Variants in DNM3 observed in about 807,000 individuals in gnomAD.
DNM3 encodes dynamin-3.
A neutral mutation model predicts 101.6 loss-of-function variants in DNM3; 47 were observed. The ratio of observed to expected loss-of-function variants is 0.46; its 90% confidence interval spans 0.37 to 0.59. The LOEUF (loss-of-function observed/expected upper bound fraction) is 0.59, where lower values mean the gene tolerates loss of function less well. Among genes scored for constraint, DNM3 ranks in the 20% least tolerant of loss-of-function variants. DNM3 has a pLI of 0.00. For synonymous variants in DNM3, 385 were observed against 387.9 expected (o/e 0.99, Z 0.09); for missense variants, 849 against 1,085.7 (o/e 0.78, Z 3.06).
At chr1:172,111,828 A>C in intron 13 of DNM3, among the ~76,000 whole-genome samples, 1 of 151,906 alleles carries the variant, frequency 6.6e-6, no homozygotes, top group East Asian at 1.9e-4. Context: ...TAATCTTAGA[A>C]TGTTACTTTC....
At chr1:171,990,013 A>G (rs2045530705) in intron 4 of DNM3, among the ~76,000 whole-genome samples, 1 of 152,128 alleles carries the variant, frequency 6.6e-6, no homozygotes, top group Non-Finnish European at 1.5e-5. Context: ...GATTTTATCA[A>G]CTTTATCTTC....
intron 9 of DNM3, among the ~76,000 whole-genome samples, chr1:172,047,352 G>C (rs2049891673): frequency 6.6e-6 from 1 of 152,132 alleles, no homozygotes; most frequent in Admixed American, 6.6e-5. Context: ...CAAGAAGGAA[G>C]GTCTCAGCAG....
chr1:172,320,293 T>C (rs907460933), intron 16 of DNM3, among the ~76,000 whole-genome samples: 3 of 151,176 alleles, frequency 2.0e-5, no homozygotes, highest in African/African-American at 7.3e-5. Context: ...AATGACGAGT[T>C]AATGGGTGCA....
chr1:172,236,021 G>T (rs1387586426), intron 14 of DNM3, among the ~76,000 whole-genome samples: 1 of 152,020 alleles, frequency 6.6e-6, no homozygotes, highest in Non-Finnish European at 1.5e-5. Context: ...AACATTGTTA[G>T]CTATTGGGGC....
intron 14 of DNM3, among the ~76,000 whole-genome samples, chr1:172,170,421 G>A (rs971757689): frequency 6.6e-6 from 1 of 151,726 alleles, no homozygotes; most frequent in Non-Finnish European, 1.5e-5. Context: ...CTGGAGTCAG[G>A]TCACCACTTA....
At chr1:172,015,289 T>C (rs2047378169) in intron 4 of DNM3, among the ~76,000 whole-genome samples, 1 of 152,198 alleles carries the variant, frequency 6.6e-6, no homozygotes, top group Non-Finnish European at 1.5e-5. Flanking sequence ...AATCAGTTTG[T>C]TGATATCCAC....
At chr1:172,321,675 C>T (rs958218067) in intron 16 of DNM3, among the ~76,000 whole-genome samples, 3 of 152,140 alleles carry the variant, frequency 2.0e-5, no homozygotes, top group Non-Finnish European at 4.4e-5. Context: ...CATCTGCCAT[C>T]GAGTGGGGAA....
At chr1:171,948,519 T>C (rs1279983811) in intron 2 of DNM3, among the ~76,000 whole-genome samples, 5 of 152,192 alleles carry the variant, frequency 3.3e-5, no homozygotes, top group Non-Finnish European at 4.4e-5. Context: ...ATGTCCACAT[T>C]ATATAGATAA....
chr1:172,140,570 C>T (rs1433419963), intron 14 of DNM3: 1 of 151,732 alleles, frequency 6.6e-6, no homozygotes, highest in Non-Finnish European at 1.5e-5. Context: ...GTTAACTCTG[C>T]TCAATTAAAG....
chr1:172,100,303 C>T (rs2054545958), intron 13 of DNM3, among the ~76,000 whole-genome samples: 1 of 152,164 alleles, frequency 6.6e-6, no homozygotes, highest in Non-Finnish European at 1.5e-5. Context: ...TCTCTCCCTA[C>T]TTTCTGAAAA....
At chr1:171,992,111 A>G (rs2045673119) in intron 4 of DNM3, among the ~76,000 whole-genome samples, 1 of 152,202 alleles carries the variant, frequency 6.6e-6, no homozygotes, top group Non-Finnish European at 1.5e-5. Flanking sequence ...TTTTATAATA[A>G]ATGTAAACTA....
At chr1:172,321,854 AC>A (rs1335058536) in intron 16 of DNM3, among the ~76,000 whole-genome samples, 1 of 152,162 alleles carries the variant, frequency 6.6e-6, no homozygotes, top group African/African-American at 2.4e-5. Flanking sequence ...CTAAAATAAG[AC>A]TTTTATTCCC....
intron 12 of DNM3, among the ~76,000 whole-genome samples, chr1:172,089,843 A>T (rs541448118): frequency 6.6e-6 from 1 of 152,294 alleles, no homozygotes; most frequent in African/African-American, 2.4e-5. Flanking sequence ...GTAATTTTGC[A>T]TCTCAAGGAA....
intron 1 of DNM3, among the ~76,000 whole-genome samples, chr1:171,896,845 G>A (rs2125206032): frequency 6.6e-6 from 1 of 152,218 alleles, no homozygotes; most frequent in East Asian, 1.9e-4. Context: ...ATCCTACCCA[G>A]TGTGAGGATT....
At chr1:172,269,912 C>T (rs1408882943) in intron 15 of DNM3, among the ~76,000 whole-genome samples, 2 of 152,092 alleles carry the variant, frequency 1.3e-5, no homozygotes, top group African/African-American at 2.4e-5. Context: ...TAGCTGGGCC[C>T]AGCCTGAAGG....
intron 14 of DNM3, among the ~76,000 whole-genome samples, chr1:172,234,920 C>T (rs1404426188): frequency 6.7e-6 from 1 of 149,730 alleles, no homozygotes; most frequent in African/African-American, 2.5e-5. Flanking sequence ...TAGGCAGTAC[C>T]ATTCAGGACA....
intron 14 of DNM3, among the ~76,000 whole-genome samples, chr1:172,148,598 A>G (rs1436097060): frequency 6.6e-6 from 1 of 152,138 alleles, no homozygotes; most frequent in Non-Finnish European, 1.5e-5. Context: ...CATCCTGTGC[A>G]GCTACCAGTG....
At chr1:172,085,333 G>T (rs945032931) in intron 12 of DNM3, among the ~76,000 whole-genome samples, 1 of 151,706 alleles carries the variant, frequency 6.6e-6, no homozygotes, top group African/African-American at 2.4e-5. Context: ...TGGCCCAATT[G>T]TTCCTTCATT....
intron 14 of DNM3, among the ~76,000 whole-genome samples, chr1:172,213,186 G>A (rs1421959578): frequency 6.6e-6 from 1 of 152,096 alleles, no homozygotes; most frequent in African/African-American, 2.4e-5. Context: ...CCGGGCCACA[G>A]CTGATTTTTA....
Sources: allele counts gnomAD v4.1 joint callset (sites outside exome capture counted in the v4.1 genomes callset), GRCh38; gene constraint gnomAD v4.1.1; transcripts MANE v1.5; gene names NCBI Gene and HGNC (gene_info 2026-07-23, HGNC 2026-07-21).